The following MCUB variants were observed in gnomAD, a reference collection of about 807,000 sequenced individuals.
MCUB encodes the protein mitochondrial calcium uniporter dominant negative subunit beta.
In MCUB, 46 loss-of-function variants were observed where a neutral mutation model predicts 41.4. That is an observed-to-expected ratio of 1.11 (90% confidence interval 0.88 to 1.42). The LOEUF is 1.42. Among genes scored for constraint, MCUB ranks in the 40% most tolerant of loss-of-function variants. The probability of loss-of-function intolerance (pLI) is 0.00; values close to 1 mark genes in which losing one functional copy is unlikely to be tolerated. For missense variants in MCUB, 403 were observed against 404.9 expected (o/e 1.00, Z 0.04); for synonymous variants, 148 against 148.2 (o/e 1.00, Z 0.01).
At chr4:109,603,921 G>A (rs545756127) in intron 1 of MCUB, among the ~76,000 whole-genome samples, 12 of 152,360 alleles carry the variant, frequency 7.9e-5, no homozygotes, top group East Asian at 1.9e-4. Flanking sequence ...CCATGATGAC[G>A]ATGGCGGTTT....
chr4:109,659,805 C>T (rs1729187375), intron 2 of MCUB, among the ~76,000 whole-genome samples: 1 of 152,156 alleles, frequency 6.6e-6, no homozygotes, highest in South Asian at 2.1e-4. Context: ...TACAGGCGCA[C>T]ACCACCATGC....
At position 109,687,586 on chromosome 4, in the gene MCUB, G is replaced by A; in HGVS notation, c.1005G>A (p.Lys335=). 6.2e-7 allele frequency: 1 copy of A among 1,602,786 alleles called. No individual in the cohort carries two copies. Among genetic ancestry groups the A allele is most frequent in the South Asian group, 1.1e-5 (1 of 90,468 alleles). The part of the protein sequence containing the change: ...LQMQVEELNE[K]N ...TGCAAGTAGAAGAACTCAATGAAAAGAATTAATCTTACAGTTTTAAATGTC... is the reference window on the plus strand; with the variant it reads ...TGCAAGTAGAAGAACTCAATGAAAAAAATTAATCTTACAGTTTTAAATGTC... Residue 335 remains lysine (K), a synonymous_variant, in exon 8 of 8, where the codon AAG becomes AAA. Transcript: ENST00000394650.
intron 1 of MCUB, among the ~76,000 whole-genome samples, chr4:109,641,983 T>A (rs1234960742): frequency 6.6e-6 from 1 of 152,232 alleles, no homozygotes; most frequent in East Asian, 1.9e-4. Flanking sequence ...TTAAATAGTT[T>A]ATGTCTGTAT....
At chr4:109,565,808 A>G (rs1047918061) in intron 1 of MCUB, among the ~76,000 whole-genome samples, 1 of 151,668 alleles carries the variant, frequency 6.6e-6, no homozygotes, top group Non-Finnish European at 1.5e-5. Flanking sequence ...TCATTATGAT[A>G]TGCGAAACCC....
intron 1 of MCUB, 82 bp from the exon 2 acceptor site, chr4:109,658,929 A>G: frequency 1.2e-6 from 1 of 826,712 alleles, no homozygotes; most frequent in Non-Finnish European, 2.0e-6. Flanking sequence ...TATTAAAAAG[A>G]ATCTTATGGT....
At chr4:109,669,301 T>C (rs552977644) in intron 4 of MCUB, among the ~76,000 whole-genome samples, 5 of 152,306 alleles carry the variant, frequency 3.3e-5, no homozygotes, top group African/African-American at 1.2e-4. Context: ...TACCAAATTT[T>C]AGGCTGCTTT....
intron 1 of MCUB, among the ~76,000 whole-genome samples, chr4:109,628,053 G>A (rs939368239): frequency 7.2e-5 from 11 of 152,152 alleles, no homozygotes; most frequent in African/African-American, 1.2e-4. Context: ...AACAGGAGGG[G>A]TATAGGACAA....
chr4:109,684,420 A>G, intron 5 of MCUB, 23 bp from the exon 6 acceptor site: 2 of 1,573,454 alleles, frequency 1.3e-6, no homozygotes, highest in Non-Finnish European at 1.7e-6. Context: ...AAACAGAATT[A>G]ACAGTTTTTC....
rs560637150 is a variant in MCUB at position 109,637,736 on chromosome 4, T to C, written c.100-21275T>C. Among the ~76,000 whole-genome samples, 14 of 152,206 alleles carry C rather than the reference T, an allele frequency of 9.2e-5. No individual in the cohort carries two copies. In the South Asian group the frequency reaches 2.5e-3, roughly 27 times the overall value. The stretch of plus-strand genomic sequence containing the variant: ...AGGCGTAAGAATGATACAGTGTACT[T>C]TGGGGACTCGGGAAAATGGTGGGAG... On this transcript the variant is annotated intron_variant, in intron 1 of 7. Coordinates refer to ENST00000394650, the MANE Select transcript of MCUB (RefSeq NM_017918.5).
At chr4:109,609,066 TC>T (rs1727943889) in intron 1 of MCUB, among the ~76,000 whole-genome samples, 1 of 35,548 alleles carries the variant, frequency 2.8e-5, no homozygotes, top group African/African-American at 7.4e-5. Context: ...ACAAATGGGA[TC>T]TCTCTCTCTC....
At chr4:109,679,470 A>AC (rs1275131715) in intron 4 of MCUB, among the ~76,000 whole-genome samples, 2 of 151,958 alleles carry the variant, frequency 1.3e-5, no homozygotes, top group African/African-American at 4.8e-5. Flanking sequence ...ACACGGCGAA[A>AC]CCCCGTCTCC....
At chr4:109,657,237 AAAT>A (rs1231159923) in intron 1 of MCUB, among the ~76,000 whole-genome samples, 23 of 150,788 alleles carry the variant, frequency 1.5e-4, no homozygotes, top group African/African-American at 4.4e-4. Context: ...AAAAAAAAAA[AAAT>A]AGAAAGCTCA....
chr4:109,679,787 TTTG>T lies in MCUB; in HGVS notation c.452-2768_452-2766del, dbSNP rs377253519. On this transcript the variant is annotated intron_variant, in intron 4 of 7. Coordinates refer to ENST00000394650, the MANE Select transcript of MCUB (RefSeq NM_017918.5). ...TTTCTCTCCCGCTTTGAGGTATAAT[TTTG>T]TTGTTGTTGTTGTTGTTGTTGTTGT... is the stretch of plus-strand genomic sequence containing the variant. Among the ~76,000 whole-genome samples the T allele has an allele frequency of 2.5e-3, 376 of 151,570 alleles. 2 individuals carry two copies. Among genetic ancestry groups the T allele is most frequent in the African/African-American group, 8.4e-3 (348 of 41,238 alleles).
chr4:109,609,071 C>T (rs1044599779), intron 1 of MCUB, among the ~76,000 whole-genome samples: 1 of 93,044 alleles, frequency 1.1e-5, no homozygotes, highest in African/African-American at 2.8e-5. Context: ...TGGGATCTCT[C>T]TCTCTCTCTC....
chr4:109,658,931 T>A (rs1316287974), intron 1 of MCUB, 80 bp from the exon 2 acceptor site: 22 of 831,778 alleles, frequency 2.6e-5, no homozygotes, highest in Admixed American at 4.2e-5. Flanking sequence ...TTAAAAAGAA[T>A]CTTATGGTAA....
At chr4:109,684,393 T>G in intron 5 of MCUB, 50 bp from the exon 6 acceptor site, 2 of 1,426,444 alleles carry the variant, frequency 1.4e-6, no homozygotes, top group Non-Finnish European at 1.9e-6. Flanking sequence ...TTTTGTCCCT[T>G]TAGTTGGTGT....
At chr4:109,609,731 C>T (rs1218890594) in intron 1 of MCUB, among the ~76,000 whole-genome samples, 1 of 152,156 alleles carries the variant, frequency 6.6e-6, no homozygotes, top group East Asian at 1.9e-4. Flanking sequence ...CTGAATCCAA[C>T]ACAGCACTGA....
chr4:109,570,702 T>C (rs1456846253), intron 1 of MCUB, among the ~76,000 whole-genome samples: 1 of 152,236 alleles, frequency 6.6e-6, no homozygotes, highest in Non-Finnish European at 1.5e-5. Flanking sequence ...ACAGATGTTA[T>C]GCTAGAGGAC....
chr4:109,659,608 T>C (rs1254967190), intron 2 of MCUB, among the ~76,000 whole-genome samples: 1 of 151,874 alleles, frequency 6.6e-6, no homozygotes, highest in Non-Finnish European at 1.5e-5. Flanking sequence ...AAAAAACAAA[T>C]AGTTTCTGTC....
Sources: allele counts gnomAD v4.1 joint callset (sites outside exome capture counted in the v4.1 genomes callset), GRCh38; gene constraint gnomAD v4.1.1; transcripts MANE v1.5; gene names NCBI Gene and HGNC (gene_info 2026-07-23, HGNC 2026-07-21).